Variants in CAST observed in about 807,000 individuals in gnomAD.
CAST encodes the protein calpastatin.
A neutral mutation model predicts 119.6 loss-of-function variants in CAST; 76 were observed. The observed-to-expected ratio is 0.64, with a 90% CI of 0.53 to 0.77. CAST has a LOEUF of 0.77. CAST is among the 30% of genes least tolerant of loss of function. The pLI is 0.00. For missense variants in CAST, 953 were observed against 946.5 expected (o/e 1.01, Z -0.09); for synonymous variants, 319 against 331.6 (o/e 0.96, Z 0.41).
intron 1 of CAST, among the ~76,000 whole-genome samples, chr5:96,588,165 T>C (rs1746890937): frequency 6.6e-6 from 1 of 151,388 alleles, no homozygotes; most frequent in African/African-American, 2.4e-5. Context: ...CCATGTTAAA[T>C]TCATATATTA....
the CAST span, among the ~76,000 whole-genome samples, chr5:96,167,293 C>G: frequency 6.6e-6 from 1 of 152,020 alleles, no homozygotes; most frequent in African/African-American, 2.4e-5. Flanking sequence ...CAGTGTAAAC[C>G]GGCAGTGTAA....
the CAST span, among the ~76,000 whole-genome samples, chr5:96,483,597 T>C: frequency 6.6e-6 from 1 of 152,218 alleles, no homozygotes; most frequent in Admixed American, 6.5e-5. Context: ...TCACTTTTCA[T>C]GGATGAGCTT....
chr5:96,099,917 A>G, the CAST span, among the ~76,000 whole-genome samples: 46 of 152,274 alleles, frequency 3.0e-4, no homozygotes, highest in African/African-American at 1.1e-3. Context: ...CAACTCTTCT[A>G]TGTATATCTG....
chr5:96,676,878 C>T (rs2150250989), intron 2 of CAST, among the ~76,000 whole-genome samples: 1 of 151,792 alleles, frequency 6.6e-6, no homozygotes, highest in East Asian at 1.9e-4. Context: ...CATAGTGAAA[C>T]CCCTTCTCTG....
the CAST span, among the ~76,000 whole-genome samples, chr5:96,226,653 C>T: frequency 1.3e-5 from 2 of 151,638 alleles, no homozygotes; most frequent in South Asian, 2.1e-4. Flanking sequence ...TGAGACCCTG[C>T]CTCAAAAAAA....
At chr5:96,630,873 G>T (rs1314152260) in intron 1 of CAST, 1 of 93,166 alleles carries the variant, frequency 1.1e-5, no homozygotes, top group African/African-American at 3.2e-5. Flanking sequence ...GAAGGAAGAA[G>T]AAAAGGAAAG....
At chr5:96,304,943 G>A in the CAST span, among the ~76,000 whole-genome samples, 7 of 151,988 alleles carry the variant, frequency 4.6e-5, no homozygotes, top group Non-Finnish European at 8.8e-5. Context: ...GCTCTTTTTT[G>A]GTTCCATATA....
intron 2 of CAST, among the ~76,000 whole-genome samples, chr5:96,690,939 C>G (rs1752652943): frequency 6.6e-6 from 1 of 152,152 alleles, no homozygotes; most frequent in African/African-American, 2.4e-5. Context: ...GAGTTTTTAT[C>G]TTGAAAAATA....
At chr5:96,121,483 GA>G in the CAST span, among the ~76,000 whole-genome samples, 2,167 of 134,410 alleles carry the variant, frequency 0.016, 32 homozygotes, top group African/African-American at 0.04. Context: ...TCATTTTGAT[GA>G]AAAAAAAAAA....
chr5:96,459,369 G>C, the CAST span, among the ~76,000 whole-genome samples: 2 of 149,106 alleles, frequency 1.3e-5, no homozygotes, highest in African/African-American at 5.0e-5. Context: ...GGAGCATTTT[G>C]CATGCCAACC....
the CAST span, among the ~76,000 whole-genome samples, chr5:96,142,358 G>A: frequency 6.6e-6 from 1 of 152,204 alleles, no homozygotes; most frequent in Non-Finnish European, 1.5e-5. Context: ...AGGTTGCAGT[G>A]AGCTGAGATT....
the CAST span, among the ~76,000 whole-genome samples, chr5:96,169,801 G>C: frequency 1.3e-5 from 2 of 152,248 alleles, no homozygotes; most frequent in East Asian, 3.9e-4. Flanking sequence ...AGACAATGAG[G>C]TGTGGCTGTA....
At chr5:96,095,682 G>C in the CAST span, among the ~76,000 whole-genome samples, 2 of 150,692 alleles carry the variant, frequency 1.3e-5, no homozygotes, top group African/African-American at 4.9e-5. Flanking sequence ...AGATATGCTA[G>C]GCACCAAAAA....
the CAST span, among the ~76,000 whole-genome samples, chr5:96,510,664 A>G: frequency 1.3e-5 from 2 of 152,264 alleles, no homozygotes; most frequent in Non-Finnish European, 2.9e-5. Flanking sequence ...GGGACATTTA[A>G]TATGAACTGT....
the CAST span, among the ~76,000 whole-genome samples, chr5:96,471,511 T>C: frequency 6.6e-6 from 1 of 152,188 alleles, no homozygotes; most frequent in South Asian, 2.1e-4. Flanking sequence ...CTGAAGAATT[T>C]AGAGTTGTCA....
At chr5:96,724,447 T>G (rs1758875922) in intron 4 of CAST, among the ~76,000 whole-genome samples, 1 of 152,122 alleles carries the variant, frequency 6.6e-6, no homozygotes, top group Admixed American at 6.5e-5. Flanking sequence ...CCTCCCAAAG[T>G]GCTGGGATTA....
the CAST span, among the ~76,000 whole-genome samples, chr5:96,149,989 A>G: frequency 6.6e-6 from 1 of 152,216 alleles, no homozygotes; most frequent in South Asian, 2.1e-4. Context: ...TGACTGTGTC[A>G]TCACCATCTT....
chr5:96,080,667 T>TG, the CAST span, among the ~76,000 whole-genome samples: 1 of 152,244 alleles, frequency 6.6e-6, no homozygotes, highest in South Asian at 2.1e-4. Context: ...ACCTGATTTA[T>TG]GTGGCTTAGA....
At chr5:96,180,088 A>G in the CAST span, among the ~76,000 whole-genome samples, 2 of 152,112 alleles carry the variant, frequency 1.3e-5, no homozygotes, top group Non-Finnish European at 2.9e-5. Context: ...GGCATGAGAC[A>G]TGTTCAGGAG....
Sources: allele counts gnomAD v4.1 joint callset (sites outside exome capture counted in the v4.1 genomes callset), GRCh38; gene constraint gnomAD v4.1.1; transcripts MANE v1.5; gene names NCBI Gene and HGNC (gene_info 2026-07-23, HGNC 2026-07-21).